MREG: variants seen among roughly 807,000 people sequenced by gnomAD.
The protein encoded by MREG is melanoregulin, also known as dilute suppressor protein homolog.
In MREG, 31 loss-of-function variants were observed where a neutral mutation model predicts 28.5. The ratio of observed to expected loss-of-function variants is 1.09; its 90% CI spans 0.82 to 1.47. MREG has a LOEUF of 1.47. Ranked by LOEUF, MREG falls within the 40% of genes most tolerant of loss-of-function variation. The pLI, the probability that MREG is intolerant of heterozygous loss-of-function variation, is 0.00. For synonymous variants in MREG, 106 were observed against 95.2 expected, an observed-to-expected ratio of 1.11 and a Z score of -0.66; for missense variants, 256 against 257.4, an observed-to-expected ratio of 0.99 and a Z score of 0.04.
At chr2:215,980,932 G>A (rs113690111) in intron 2 of MREG, among the ~76,000 whole-genome samples, 1 of 149,030 alleles carries the variant, frequency 6.7e-6, no homozygotes, top group African/African-American at 2.5e-5. Context: ...GGGAAGGGAA[G>A]GGAACGGAAG....
chr2:215,985,229 G>A (rs1408950898), intron 2 of MREG, among the ~76,000 whole-genome samples: 3 of 152,194 alleles, frequency 2.0e-5, no homozygotes, highest in Admixed American at 2.0e-4. Flanking sequence ...ATAATAAGTT[G>A]TATCCATATT....
At chr2:215,976,899 C>T (rs1474053699) in intron 2 of MREG, among the ~76,000 whole-genome samples, 2 of 152,188 alleles carry the variant, frequency 1.3e-5, no homozygotes, top group East Asian at 1.9e-4. Flanking sequence ...TGGAAAGGAA[C>T]GACTGGTACC....
chr2:215,974,599 G>A (rs72946793), intron 2 of MREG, among the ~76,000 whole-genome samples: 8,353 of 152,154 alleles, frequency 0.055, 477 homozygotes, highest in African/African-American at 0.14. Context: ...TGAGGGCACA[G>A]TGGTGAAAAA....
In MREG at chr2:215,943,777, G is replaced by T; in HGVS notation, c.*1086C>A. On this transcript the variant is annotated 3_prime_UTR_variant, in exon 5 of 5. Transcript: ENST00000263268. ...AATCACTTGAAACCGGAAGGCGGAGGTTGCAGTGAGCCGAGATCGCACCAC... is the reference window on the plus strand; with the variant it reads ...AATCACTTGAAACCGGAAGGCGGAGTTTGCAGTGAGCCGAGATCGCACCAC... 4.6e-6 allele frequency: 1 copy of T among 217,330 alleles called. No homozygotes were observed. The highest frequency in any genetic ancestry group is 9.0e-6 in the Non-Finnish European group (1 of 111,238). The allele number at this position is 217,330 out of a possible 1,614,324, so 13.5% of individuals were successfully genotyped here.
At chr2:216,002,300 C>T (rs1694036119) in intron 1 of MREG, among the ~76,000 whole-genome samples, 1 of 152,210 alleles carries the variant, frequency 6.6e-6, no homozygotes, top group Non-Finnish European at 1.5e-5. Context: ...TAAGTACTAA[C>T]TTCTGCCTGG....
At chr2:215,977,737 T>G (rs1693299940) in intron 2 of MREG, among the ~76,000 whole-genome samples, 1 of 152,084 alleles carries the variant, frequency 6.6e-6, no homozygotes, top group Non-Finnish European at 1.5e-5. Context: ...CACTCAAAAC[T>G]GCACAACTAC....
At chr2:215,956,549 T>C (rs1318350850) in intron 2 of MREG, among the ~76,000 whole-genome samples, 1 of 152,198 alleles carries the variant, frequency 6.6e-6, no homozygotes, top group Non-Finnish European at 1.5e-5. Flanking sequence ...TTGTTTGTTG[T>C]TGTTTTTGAG....
At chr2:215,974,092 G>A (rs1299023558) in intron 2 of MREG, among the ~76,000 whole-genome samples, 1 of 152,072 alleles carries the variant, frequency 6.6e-6, no homozygotes, top group African/African-American at 2.4e-5. Flanking sequence ...ATTGTAATTC[G>A]ACATAGCAAT....
At chr2:215,955,447 A>G (rs962954345) in intron 2 of MREG, among the ~76,000 whole-genome samples, 1 of 152,224 alleles carries the variant, frequency 6.6e-6, no homozygotes, top group African/African-American at 2.4e-5. Flanking sequence ...ATTTCAACTC[A>G]AACAGCAAAC....
At chr2:215,940,435 AT>A (rs1692184603), downstream of MREG, among the ~76,000 whole-genome samples, 1 of 152,226 alleles carries the variant, frequency 6.6e-6, no homozygotes, top group Non-Finnish European at 1.5e-5. Context: ...TTGTGCCATG[AT>A]CCCTCTCTGG....
intron 2 of MREG, among the ~76,000 whole-genome samples, chr2:215,962,552 A>T (rs919100121): frequency 6.6e-6 from 1 of 152,262 alleles, no homozygotes; most frequent in African/African-American, 2.4e-5. Context: ...CCGTGGATAG[A>T]AAAAGAAGAC....
intron 4 of MREG, 132 bp from the exon 5 acceptor site, chr2:215,945,129 T>C: frequency 2.1e-6 from 2 of 958,386 alleles, no homozygotes; most frequent in South Asian, 2.4e-5. Flanking sequence ...CGTTTATTAA[T>C]TTTTTCCTAA....
chr2:215,950,398 C>G (rs1340133977), intron 2 of MREG, among the ~76,000 whole-genome samples: 1 of 152,160 alleles, frequency 6.6e-6, no homozygotes, highest in Non-Finnish European at 1.5e-5. Flanking sequence ...GTTTCAGTGT[C>G]TGTTACTCTG....
chr2:215,983,791 C>CAA (rs1268748036), intron 2 of MREG, among the ~76,000 whole-genome samples: 1 of 152,156 alleles, frequency 6.6e-6, no homozygotes, highest in Non-Finnish European at 1.5e-5. Flanking sequence ...CATGTGGTTC[C>CAA]TGCTGATGAG....
At chr2:215,955,795 G>A (rs1692610233) in intron 2 of MREG, among the ~76,000 whole-genome samples, 1 of 152,098 alleles carries the variant, frequency 6.6e-6, no homozygotes, top group Non-Finnish European at 1.5e-5. Context: ...ATACACGGTG[G>A]GAATCTGGAT....
At chr2:215,959,798 C>T (rs1456928458) in intron 2 of MREG, among the ~76,000 whole-genome samples, 1 of 152,182 alleles carries the variant, frequency 6.6e-6, no homozygotes, top group African/African-American at 2.4e-5. Flanking sequence ...GGCCTCCTTC[C>T]TCTGTGATCT....
At chr2:215,994,410 C>T (rs1454360223) in intron 2 of MREG, among the ~76,000 whole-genome samples, 1 of 151,414 alleles carries the variant, frequency 6.6e-6, no homozygotes, top group Non-Finnish European at 1.5e-5. Flanking sequence ...TTGGGCCTGT[C>T]AGGGGGTGGG....
chr2:215,981,488 C>T (rs1340090412), intron 2 of MREG, among the ~76,000 whole-genome samples: 1 of 152,070 alleles, frequency 6.6e-6, no homozygotes, highest in East Asian at 1.9e-4. Flanking sequence ...AGAAAGTTGC[C>T]AGGAGCTGGG....
chr2:215,963,492 AATG>A (rs1692856193), intron 2 of MREG, among the ~76,000 whole-genome samples: 1 of 151,734 alleles, frequency 6.6e-6, no homozygotes, highest in Non-Finnish European at 1.5e-5. Context: ...TACGTGTTGA[AATG>A]ATAATTTTGT....
Sources: gnomAD v4.1 joint callset for allele counts (sites outside exome capture counted in the v4.1 genomes callset) on GRCh38, gnomAD v4.1.1 for gene constraint, MANE v1.5 for transcripts, NCBI Gene and HGNC (gene_info 2026-07-23, HGNC 2026-07-21) for gene names.